MORC1: variants seen among roughly 807,000 people sequenced by gnomAD.
MORC1 encodes MORC family CW-type zinc finger 1.
In MORC1, 59 loss-of-function variants were observed where a neutral mutation model predicts 134.9. The observed-to-expected ratio is 0.44, with a 90% confidence interval of 0.35 to 0.54. The LOEUF (loss-of-function observed/expected upper bound fraction) is 0.54. Ranked by LOEUF, MORC1 falls within the 20% of genes least tolerant of loss-of-function variation. MORC1 has a pLI of 0.00. For missense variants in MORC1, 947 were observed against 1,134.5 expected (o/e 0.83, Z 2.37); for synonymous variants, 395 against 391.7 (o/e 1.01, Z -0.10).
At chr3:109,099,810 A>G (rs1318589976) in intron 5 of MORC1, among the ~76,000 whole-genome samples, 1 of 152,212 alleles carries the variant, frequency 6.6e-6, no homozygotes, top group Non-Finnish European at 1.5e-5. Context: ...CACAGCACCT[A>G]GGTTAAAATA....
intron 26 of MORC1, among the ~76,000 whole-genome samples, chr3:108,963,850 C>T (rs952850279): frequency 6.6e-6 from 1 of 152,170 alleles, no homozygotes; most frequent in Non-Finnish European, 1.5e-5. Flanking sequence ...GAAAGAGACA[C>T]ATGACAGTGA....
Position 109,027,793 on chromosome 3 carries a change from C to A in MORC1, c.1662G>T (p.Ser554=). The A allele has an allele frequency of 6.2e-7, 1 of 1,613,780 alleles. No individual in the cohort carries two copies. The highest frequency in any genetic ancestry group is 8.5e-7 in the Non-Finnish European group (1 of 1,179,862). The part of the protein sequence containing the change: ...KNEKEKQLRE[S]VIKYQNRLAE... ...CCAGTCTATTTTGATACTTTATGAC[C>A]GACTCTCTAAGTTGCTTCTCTTTCT... The change falls in exon 17 of 28, where the codon TCG becomes TCT. Residue 554 remains serine (S), a synonymous_variant. Transcript: ENST00000232603.
chr3:109,052,192 C>T (rs1003150305), intron 14 of MORC1, among the ~76,000 whole-genome samples: 2 of 152,140 alleles, frequency 1.3e-5, no homozygotes, highest in African/African-American at 2.4e-5. Context: ...ATACCTTACA[C>T]GTTTTCTACA....
At chr3:109,046,471 A>G (rs1241343147) in intron 14 of MORC1, among the ~76,000 whole-genome samples, 1 of 152,192 alleles carries the variant, frequency 6.6e-6, no homozygotes, top group East Asian at 1.9e-4. Flanking sequence ...ATCAAGTCCA[A>G]AGTGTATTCC....
At chr3:109,075,775 A>T (rs1014865715) in intron 8 of MORC1, among the ~76,000 whole-genome samples, 2 of 150,918 alleles carry the variant, frequency 1.3e-5, no homozygotes, top group East Asian at 4.0e-4. Context: ...TCTTGGCTAT[A>T]TGGGCTCTTT....
intron 24 of MORC1, among the ~76,000 whole-genome samples, chr3:108,971,919 A>G (rs945930638): frequency 3.9e-5 from 6 of 152,318 alleles, no homozygotes; most frequent in African/African-American, 1.4e-4. Flanking sequence ...CAACCAGTCC[A>G]GGAAAGGCCT....
rs1230582700 is a variant in MORC1, at chr3:109,020,750, G to A, written c.1704+7001C>T. 9.7e-5 allele frequency among the ~76,000 whole-genome samples: 10 copies of A among 103,256 alleles called. No homozygotes were observed. In the East Asian group the frequency reaches 2.1e-3, roughly 22 times the overall value. The allele number at this position is 103,256 out of a possible 152,430, so 67.7% of individuals were successfully genotyped here. A position where few individuals can be genotyped will look rare whatever the true frequency, so the allele number is the denominator to read the frequency against. On this transcript the variant is annotated intron_variant, in intron 17 of 27. Transcript: ENST00000232603. ...ACTGCACTCCAGCCTGGGCGACACAGTGAGACTCTGTCTCAAAAAAAAAAA... is the reference window on the plus strand; with the variant it reads ...ACTGCACTCCAGCCTGGGCGACACAATGAGACTCTGTCTCAAAAAAAAAAA...
intron 13 of MORC1, among the ~76,000 whole-genome samples, chr3:109,056,469 C>T (rs367764774): frequency 6.6e-6 from 1 of 152,136 alleles, no homozygotes; most frequent in Non-Finnish European, 1.5e-5. Flanking sequence ...CCTCGTGATC[C>T]GCCCACCTCG....
intron 25 of MORC1, among the ~76,000 whole-genome samples, chr3:108,970,084 G>C (rs1048904819): frequency 2.0e-5 from 3 of 152,118 alleles, no homozygotes; most frequent in African/African-American, 4.8e-5. Flanking sequence ...CAGAGAAACA[G>C]ATGGGGAAGT....
intron 21 of MORC1, among the ~76,000 whole-genome samples, chr3:108,987,964 C>T (rs189340948): frequency 2.0e-5 from 3 of 152,158 alleles, no homozygotes; most frequent in East Asian, 1.9e-4. Context: ...CGCACTGATA[C>T]GCACGCAACC....
chr3:109,045,700 C>T (rs1448792438), intron 14 of MORC1, among the ~76,000 whole-genome samples: 1 of 152,120 alleles, frequency 6.6e-6, no homozygotes, highest in Non-Finnish European at 1.5e-5. Flanking sequence ...TTTCTCTTGG[C>T]TCCTGGGTAT....
chr3:109,094,437 T>C (rs1172309263), intron 7 of MORC1, among the ~76,000 whole-genome samples: 3 of 152,144 alleles, frequency 2.0e-5, no homozygotes, highest in Non-Finnish European at 4.4e-5. Flanking sequence ...GAACAGAAAG[T>C]TGGTGGAGGT....
At chr3:109,074,254 C>T (rs1181390516) in intron 8 of MORC1, among the ~76,000 whole-genome samples, 4 of 152,194 alleles carry the variant, frequency 2.6e-5, no homozygotes, top group Admixed American at 6.5e-5. Flanking sequence ...AGGGATGTGG[C>T]AAGCCCCTTT....
chr3:109,062,130 A>G, intron 10 of MORC1, 72 bp from the exon 11 acceptor site: 1 of 1,346,102 alleles, frequency 7.4e-7, no homozygotes, highest in Non-Finnish European at 1.1e-6. Flanking sequence ...TATTTTCTAT[A>G]CATGTAGCAT....
intron 27 of MORC1, among the ~76,000 whole-genome samples, chr3:108,959,995 G>C (rs963557339): frequency 1.8e-4 from 28 of 152,172 alleles, no homozygotes; most frequent in Non-Finnish European, 3.4e-4. Flanking sequence ...GCCTATAACA[G>C]AGAAGGATGA....
At chr3:109,079,957 T>A (rs1169229493) in intron 8 of MORC1, among the ~76,000 whole-genome samples, 1 of 152,170 alleles carries the variant, frequency 6.6e-6, no homozygotes, top group African/African-American at 2.4e-5. Context: ...TAACAATCAC[T>A]GAGTACATAT....
chr3:109,017,396 G>A (rs988009888), intron 17 of MORC1, among the ~76,000 whole-genome samples: 6 of 152,130 alleles, frequency 3.9e-5, no homozygotes, highest in African/African-American at 1.4e-4. Flanking sequence ...TGGAAAGAGC[G>A]ATATACATAA....
chr3:108,967,099 G>A (rs1049611524), intron 26 of MORC1, among the ~76,000 whole-genome samples: 6 of 152,144 alleles, frequency 3.9e-5, no homozygotes, highest in African/African-American at 1.4e-4. Context: ...TCTCATTTCA[G>A]TAGGAACTGC....
intron 8 of MORC1, among the ~76,000 whole-genome samples, chr3:109,078,246 G>A (rs1037714143): frequency 6.6e-6 from 1 of 152,042 alleles, no homozygotes; most frequent in African/African-American, 2.4e-5. Context: ...ATAGAGCTCT[G>A]TCCTTATCAG....
Sources: gnomAD v4.1 joint callset for allele counts (sites outside exome capture counted in the v4.1 genomes callset) on GRCh38, gnomAD v4.1.1 for gene constraint, MANE v1.5 for transcripts, NCBI Gene and HGNC (gene_info 2026-07-23, HGNC 2026-07-21) for gene names.